Variants in KIAA0753 observed in about 807,000 individuals in gnomAD.
The protein encoded by KIAA0753 is KIAA0753, also known as protein moonraker.
KIAA0753 carries 114 observed loss-of-function variants against 116.9 expected under a neutral mutation model. The observed-to-expected ratio is 0.98, with a 90% CI of 0.84 to 1.14. The LOEUF is 1.14. Among genes scored for constraint, KIAA0753 ranks in the 50% most tolerant of loss-of-function variants. KIAA0753 has a pLI of 0.00. For missense variants in KIAA0753, 1,156 were observed against 1,172.4 expected, an observed-to-expected ratio of 0.99 and a Z score of 0.20; for synonymous variants, 405 against 413.1, an observed-to-expected ratio of 0.98 and a Z score of 0.24.
At chr17:6,631,762 C>T (rs941049886) in intron 2 of KIAA0753, among the ~76,000 whole-genome samples, 1 of 152,188 alleles carries the variant, frequency 6.6e-6, no homozygotes, top group African/African-American at 2.4e-5. Context: ...TATCAAGGAG[C>T]ACATCCAGCC....
At position 6,635,152 on chromosome 17, in the gene KIAA0753, A is replaced by T. The variant is rs1388730316; in HGVS notation, c.-49T>A. ...AGTGACAGCCTTGTCATCCGGCAAC[A>T]GTCTTCCCTAAAACCATTCCTAAAA... is the stretch of plus-strand genomic sequence containing the variant. On this transcript the variant is annotated 5_prime_UTR_variant, in exon 2 of 19. Transcript: ENST00000361413. 6 of 1,361,652 alleles carry T rather than the reference A, an allele frequency of 4.4e-6. No individual in the cohort carries two copies. The South Asian group carries it at 5.8e-5, about 13-fold the overall frequency. 84.3% of individuals were successfully genotyped at this position (1,361,652 alleles called of 1,614,324 possible). A position where few individuals can be genotyped will look rare whatever the true frequency, so the allele number is the denominator to read the frequency against.
At chr17:6,583,227 C>T (rs915613988) in intron 18 of KIAA0753, among the ~76,000 whole-genome samples, 1 of 152,178 alleles carries the variant, frequency 6.6e-6, no homozygotes, top group Non-Finnish European at 1.5e-5. Flanking sequence ...TTAAAAGATG[C>T]CAGGTCTTCC....
At chr17:6,608,612 A>G (rs1970339283) in intron 9 of KIAA0753, 148 bp from the exon 10 acceptor site, 1 of 446,428 alleles carries the variant, frequency 2.2e-6, no homozygotes. Flanking sequence ...GAATGTGAAG[A>G]AAAGTGAGAT....
rs987139564 is a variant in KIAA0753, at chr17:6,619,607, T to G, written c.1315+1181A>C. ...ACTCCCGGCTACTTTTTGCATTTTTTGTAGAGACAGAGTCTACTTATGTTG... is the reference window on the plus strand; with the variant it reads ...ACTCCCGGCTACTTTTTGCATTTTTGGTAGAGACAGAGTCTACTTATGTTG... On this transcript the variant is annotated intron_variant, in intron 7 of 18. Transcript: ENST00000361413. Among the ~76,000 whole-genome samples the G allele has an allele frequency of 5.3e-5, 8 of 152,170 alleles. No individual in the cohort carries two copies. The South Asian group carries it at 1.7e-3, about 32-fold the overall frequency.
At chr17:6,588,876 C>T (rs1395729315) in intron 18 of KIAA0753, among the ~76,000 whole-genome samples, 1 of 152,098 alleles carries the variant, frequency 6.6e-6, no homozygotes, top group Non-Finnish European at 1.5e-5. Flanking sequence ...CACAAAACTA[C>T]CTTACCCACA....
chr17:6,584,198 T>C (rs765939220), intron 18 of KIAA0753, among the ~76,000 whole-genome samples: 1 of 152,236 alleles, frequency 6.6e-6, no homozygotes, highest in African/African-American at 2.4e-5. Flanking sequence ...CTGTCAGAAG[T>C]GCTGCTCATC....
chr17:6,624,835 C>T lies in KIAA0753; in HGVS notation c.745G>A (p.Asp249Asn), dbSNP rs982839333. ...CTGATACGGATTCGACGTTCTTCATCTGGATCCAAAGCTTCTTCTAGTCTA... is the reference window on the plus strand; with the variant it reads ...CTGATACGGATTCGACGTTCTTCATTTGGATCCAAAGCTTCTTCTAGTCTA... ...KDRLEEALDP[D>N]EERRIRIRRQ... Residue 249 changes from aspartate to asparagine, a missense_variant, in exon 4 of 19, where the codon GAT becomes AAT. Asp to Asn is a conservative substitution (Grantham distance 23). Coordinates refer to ENST00000361413, the MANE Select transcript of KIAA0753 (RefSeq NM_014804.3). 1.2e-5 allele frequency: 19 copies of T among 1,560,226 alleles called. No homozygotes were observed. The highest frequency in any genetic ancestry group is 3.5e-6 in the Non-Finnish European group (4 of 1,150,302).
chr17:6,594,828 T>A, intron 16 of KIAA0753, 144 bp downstream of exon 16: 1 of 659,056 alleles, frequency 1.5e-6, no homozygotes, highest in South Asian at 1.9e-5. Context: ...GATAAATAGG[T>A]GACAAAGCAA....
chr17:6,620,838 G>T lies in KIAA0753; in HGVS notation c.1265C>A (p.Thr422Lys). 6.2e-7 allele frequency: 1 copy of T among 1,614,196 alleles called. No individual in the cohort carries two copies. Among genetic ancestry groups the T allele is most frequent in the South Asian group, 1.1e-5 (1 of 91,090 alleles). ...AGGTCGACTTGTTTCCTGTGGGAAT[G>T]TGTCCTTTGCTGTGAGGGGCCTCCT... The part of the protein sequence containing the change: ...GERRPLTAKD[T>K]FPQETSRPSV... Residue 422 changes from threonine to lysine, a missense_variant, in exon 7 of 19, where the codon ACA (threonine) becomes AAA (lysine). Coordinates refer to ENST00000361413, the MANE Select transcript of KIAA0753 (RefSeq NM_014804.3).
intron 8 of KIAA0753, among the ~76,000 whole-genome samples, chr17:6,611,200 A>G (rs1970515692): frequency 6.6e-6 from 1 of 152,188 alleles, no homozygotes; most frequent in Admixed American, 6.5e-5. Flanking sequence ...ATCAAGTTGT[A>G]CCCTGCTGGC....
chr17:6,630,130 T>C (rs1268323747), intron 2 of KIAA0753, among the ~76,000 whole-genome samples: 1 of 151,148 alleles, frequency 6.6e-6, no homozygotes, highest in African/African-American at 2.4e-5. Context: ...TAAATAATAA[T>C]AATAATTATA....
At chr17:6,633,736 T>C (rs767233784) in intron 2 of KIAA0753, among the ~76,000 whole-genome samples, 8 of 152,184 alleles carry the variant, frequency 5.3e-5, no homozygotes, top group Non-Finnish European at 8.8e-5. Flanking sequence ...ATACATGCAA[T>C]GACAAGGATG....
chr17:6,623,767 C>T (rs1444488250), intron 4 of KIAA0753, 196 bp from the exon 5 acceptor site: 3 of 602,054 alleles, frequency 5.0e-6, no homozygotes, highest in African/African-American at 3.9e-5. Context: ...AGTGAATAGG[C>T]AGTGTTCACC....
intron 2 of KIAA0753, among the ~76,000 whole-genome samples, chr17:6,631,337 T>G (rs192385672): frequency 1.3e-5 from 2 of 152,334 alleles, no homozygotes; most frequent in East Asian, 3.9e-4. Context: ...AACTCTAATT[T>G]TGCAGGCTTC....
At position 6,579,777 on chromosome 17, in the gene KIAA0753, G is replaced by A; in HGVS notation, c.2874C>T (p.Phe958=). The change falls in exon 19 of 19, where the codon TTC becomes TTT. Residue 958 remains phenylalanine (F), a synonymous_variant. Transcript: ENST00000361413. The part of the protein sequence containing the change: ...DMCEDYAEAV[F]TSEFLEAAT Reference sequence around the variant, plus strand: ...TAGCAGCCTCTAAGAATTCTGAGGTGAACACAGCTTCTGCATAATCTTCGC... The same window carrying A: ...TAGCAGCCTCTAAGAATTCTGAGGTAAACACAGCTTCTGCATAATCTTCGC... 6.2e-7 allele frequency: 1 copy of A among 1,613,718 alleles called. No homozygotes were observed. Among genetic ancestry groups the A allele is most frequent in the Non-Finnish European group, 8.5e-7 (1 of 1,179,878 alleles).
chr17:6,633,536 A>C (rs1454876502), intron 2 of KIAA0753, among the ~76,000 whole-genome samples: 1 of 152,196 alleles, frequency 6.6e-6, no homozygotes, highest in African/African-American at 2.4e-5. Context: ...TCACTGTTGG[A>C]TATTTACCCA....
chr17:6,601,323 T>C (rs1453235457), intron 12 of KIAA0753, among the ~76,000 whole-genome samples: 1 of 152,176 alleles, frequency 6.6e-6, no homozygotes, highest in Non-Finnish European at 1.5e-5. Context: ...GTCTCTTGAC[T>C]AGGGGCACCC....
At chr17:6,622,266 C>T (rs565779393) in intron 6 of KIAA0753, among the ~76,000 whole-genome samples, 5 of 152,320 alleles carry the variant, frequency 3.3e-5, no homozygotes, top group Non-Finnish European at 5.9e-5. Flanking sequence ...TGTACAACAG[C>T]AGTAAAACCC....
At position 6,579,572 on chromosome 17, in the gene KIAA0753, T is replaced by C; in HGVS notation, c.*175A>G. 2 of 621,444 alleles carry C rather than the reference T, an allele frequency of 3.2e-6. No individual in the cohort carries two copies. Among genetic ancestry groups the C allele is most frequent in the South Asian group, 1.9e-5 (1 of 52,188 alleles). 38.5% of individuals were successfully genotyped at this position (621,444 alleles called of 1,614,324 possible). ...TCATACATTTCCAGAACCATTGCCA[T>C]GACAAAAGAAAATGCAAAGTGAGGA... is the stretch of plus-strand genomic sequence containing the variant. On this transcript the variant is annotated 3_prime_UTR_variant, in exon 19 of 19. Transcript: ENST00000361413.
Sources: allele counts gnomAD v4.1 joint callset (sites outside exome capture counted in the v4.1 genomes callset), GRCh38; gene constraint gnomAD v4.1.1; transcripts MANE v1.5; gene names NCBI Gene and HGNC (gene_info 2026-07-23, HGNC 2026-07-21).